Variants in GPR107 observed in about 807,000 individuals in gnomAD.
GPR107 encodes G protein-coupled receptor 107.
Under a neutral mutation model 75.5 loss-of-function variants are expected in GPR107, and 31 were observed. The ratio of observed to expected loss-of-function variants is 0.41; its 90% CI spans 0.31 to 0.55. The LOEUF is 0.55. GPR107 is among the 20% of genes least tolerant of loss of function. GPR107 has a pLI of 0.26. For missense variants in GPR107, 572 were observed against 665.7 expected, an observed-to-expected ratio of 0.86 and a Z score of 1.55; for synonymous variants, 267 against 251.3, an observed-to-expected ratio of 1.06 and a Z score of -0.59.
rs765306078 is a variant in GPR107, at chr9:130,115,762, CAAAAAAAAAAA to C, written c.1306+8236_1306+8246del. Reference sequence around the variant, plus strand: ...TGGGCGACAGAGCAAGACTCCGTCTCAAAAAAAAAAAAAAAAAAAAAAATTAGCCAGCCGTG... The same window carrying C: ...TGGGCGACAGAGCAAGACTCCGTCTCAAAAAAAAAAAATTAGCCAGCCGTG... On this transcript the variant is annotated intron_variant, in intron 14 of 17. Transcript: ENST00000347136. Among the ~76,000 whole-genome samples, 5 of 90,196 alleles carry C rather than the reference CAAAAAAAAAAA, an allele frequency of 5.5e-5. No homozygotes were observed. In the East Asian group the frequency reaches 1.8e-3, roughly 32 times the overall value. The allele number at this position is 90,196 out of a possible 152,430, so 59.2% of individuals were successfully genotyped here.
At chr9:130,054,178 T>C in intron 1 of GPR107, 105 bp downstream of exon 1, 3 of 1,116,560 alleles carry the variant, frequency 2.7e-6, no homozygotes, top group Non-Finnish European at 3.7e-6. Context: ...GGACCACCTC[T>C]TTGCCCCTGG....
At chr9:130,057,501 T>TA (rs5900883) in intron 1 of GPR107, among the ~76,000 whole-genome samples, 55,419 of 134,732 alleles carry the variant, frequency 0.41, 11,913 homozygotes, top group East Asian at 0.78. Context: ...CCCTATTTCT[T>TA]AAAAAAAAAA....
At chr9:130,110,483 A>G (rs2277197) in intron 14 of GPR107, 22,495 of 839,786 alleles carry the variant, frequency 0.027, 405 homozygotes, top group East Asian at 0.049. Context: ...GGAAGCACCC[A>G]TTTCTCATCA....
In GPR107 at chr9:130,099,439, TTC is replaced by T. The variant is rs758451976; in HGVS notation, c.864-12_864-11del. 5.2e-5 allele frequency: 75 copies of T among 1,449,820 alleles called. No homozygotes were observed. In the African/African-American group the frequency reaches 9.6e-4, roughly 19 times the overall value. The allele number at this position is 1,449,820 out of a possible 1,614,324, so 89.8% of individuals were successfully genotyped here. A position where few individuals can be genotyped will look rare whatever the true frequency, so the allele number is the denominator to read the frequency against. ...AGAATGGAATCTTCCTTTAATTGTT[TTC>T]TCTCTGTTTTTATAGGAATGATGTA... is the stretch of plus-strand genomic sequence containing the variant. On this transcript the variant is annotated splice_polypyrimidine_tract_variant and intron_variant, in intron 9 of 17. Coordinates refer to ENST00000347136, the MANE Select transcript of GPR107 (RefSeq NM_020960.5).
At chr9:130,072,249 C>T in intron 1 of GPR107, among the ~76,000 whole-genome samples, 2 of 145,742 alleles carry the variant, frequency 1.4e-5, no homozygotes, top group South Asian at 2.2e-4. Flanking sequence ...GAGATGGAGT[C>T]TCGCTGTCGC....
chr9:130,071,934 C>T (rs575916524), intron 1 of GPR107, among the ~76,000 whole-genome samples: 101 of 149,494 alleles, frequency 6.8e-4, no homozygotes, highest in Middle Eastern at 3.7e-3. Context: ...ATCCGTCCGC[C>T]GCGGCCTCCC....
At position 130,112,554 on chromosome 9, in the gene GPR107, G is replaced by C. The variant is rs1831332965; in HGVS notation, c.1306+5015G>C. On this transcript the variant is annotated intron_variant, in intron 14 of 17. Transcript: ENST00000347136. This position sits in a 1 kb window ranked among gnomAD's most constrained non-coding sequence, Gnocchi z 4.0. ...GCTCATATCACTTAAGAATGGTCTT[G>C]AAATAATAAAACTGTTGATGTGATT... is the stretch of plus-strand genomic sequence containing the variant. Among the ~76,000 whole-genome samples the C allele has an allele frequency of 6.6e-6, 1 of 152,122 alleles. No individual in the cohort carries two copies. The highest frequency in any genetic ancestry group is 1.9e-4 in the East Asian group (1 of 5,198).
intron 13 of GPR107, among the ~76,000 whole-genome samples, chr9:130,106,544 C>G (rs1222414157): frequency 6.6e-6 from 1 of 151,498 alleles, no homozygotes; most frequent in Non-Finnish European, 1.5e-5. Flanking sequence ...TTGCAGTGAG[C>G]CAAGATCATG....
intron 1 of GPR107, among the ~76,000 whole-genome samples, chr9:130,071,035 C>CTTTTTTT (rs56799662): frequency 6.3e-4 from 62 of 98,192 alleles, no homozygotes; most frequent in Middle Eastern, 0.011. Context: ...TTTTTTTTTT[C>CTTTTTTT]TTTTTTTTTT....
chr9:130,072,305 G>GC (rs1830229354), intron 1 of GPR107, among the ~76,000 whole-genome samples: 2 of 150,448 alleles, frequency 1.3e-5, no homozygotes, highest in Non-Finnish European at 3.0e-5. Flanking sequence ...TGCAGGCTCC[G>GC]CCCCCTGGGG....
At chr9:130,129,706 C>G (rs1161469805) in intron 17 of GPR107, 2 of 152,336 alleles carry the variant, frequency 1.3e-5, no homozygotes, top group Non-Finnish European at 2.9e-5. Context: ...AGGATCTGAG[C>G]AAGTGTCTGT....
intron 17 of GPR107, among the ~76,000 whole-genome samples, chr9:130,131,410 C>G (rs1317422848): frequency 2.0e-5 from 3 of 152,120 alleles, no homozygotes; most frequent in African/African-American, 7.2e-5. Context: ...CTTGAGTTCA[C>G]TTCTGCCACT....
intron 1 of GPR107, among the ~76,000 whole-genome samples, chr9:130,055,207 C>T (rs1829729947): frequency 6.6e-6 from 1 of 152,086 alleles, no homozygotes; most frequent in African/African-American, 2.4e-5. Context: ...GTGGCTCACG[C>T]CTGTAATCCT....
At chr9:130,058,358 C>T (rs1404124538) in intron 1 of GPR107, among the ~76,000 whole-genome samples, 2 of 152,168 alleles carry the variant, frequency 1.3e-5, no homozygotes, top group African/African-American at 4.8e-5. Flanking sequence ...AGAATCAATT[C>T]CCATTCCCAC....
In GPR107 at chr9:130,112,902, G is replaced by A. The variant is rs1283442717; in HGVS notation, c.1306+5363G>A. Among the ~76,000 whole-genome samples the A allele has an allele frequency of 6.6e-6, 1 of 151,854 alleles. No individual in the cohort carries two copies. The highest frequency in any genetic ancestry group is 2.4e-5 in the African/African-American group (1 of 41,370). On this transcript the variant is annotated intron_variant, in intron 14 of 17. Transcript: ENST00000347136. This position sits in a 1 kb window ranked among gnomAD's most constrained non-coding sequence, Gnocchi z 4.0. ...GTAGCTAGGACTACAGGCGTGTGCT[G>A]CTATGCCTGGCTAATTTTTGTATTT...
chr9:130,075,405 C>T (rs774571435), intron 1 of GPR107, among the ~76,000 whole-genome samples: 5 of 151,836 alleles, frequency 3.3e-5, no homozygotes, highest in Admixed American at 6.6e-5. Context: ...CCACCATGCC[C>T]GGCTAACTTT....
intron 14 of GPR107, among the ~76,000 whole-genome samples, chr9:130,113,308 C>G (rs1399536042): frequency 2.1e-5 from 3 of 145,702 alleles, no homozygotes; most frequent in Non-Finnish European, 4.5e-5. Flanking sequence ...TCTCAGCTCA[C>G]TGCAGCCTTG....
chr9:130,132,282 C>CT (rs1214494081), intron 17 of GPR107, among the ~76,000 whole-genome samples: 3 of 152,192 alleles, frequency 2.0e-5, no homozygotes, highest in Non-Finnish European at 4.4e-5. Context: ...CCTGGAGACT[C>CT]TGATTCTCAC....
chr9:130,127,360 C>CA, intron 15 of GPR107, 123 bp from the exon 16 acceptor site: 1 of 664,218 alleles, frequency 1.5e-6, no homozygotes, highest in South Asian at 1.7e-5. Context: ...CTGTAAGTGT[C>CA]ACATACTTTT....
Sources: allele counts gnomAD v4.1 joint callset (sites outside exome capture counted in the v4.1 genomes callset), GRCh38; gene constraint gnomAD v4.1.1; non-coding constraint Gnocchi (gnomAD v3.1); transcripts MANE v1.5; gene names NCBI Gene and HGNC (gene_info 2026-07-23, HGNC 2026-07-21).